The following PHACTR3 variants were observed in gnomAD, a reference collection of about 807,000 sequenced individuals.
The protein encoded by PHACTR3 is protein phosphatase 1, regulatory subunit 123.
PHACTR3 carries 16 observed loss-of-function variants against 66.8 expected under a neutral mutation model. The observed-to-expected ratio is 0.24, with a 90% CI of 0.16 to 0.36. The LOEUF (loss-of-function observed/expected upper bound fraction) is 0.36, where lower values mean the gene tolerates loss of function less well. Ranked by LOEUF, PHACTR3 falls within the 10% of genes least tolerant of loss-of-function variation. The pLI is 1.00. For missense variants in PHACTR3, 647 were observed against 719.9 expected (o/e 0.90, Z 1.16); for synonymous variants, 323 against 292.1 (o/e 1.11, Z -1.08).
At chr20:59,584,150 C>CTCAGTGCT (rs1277225882) in intron 1 of PHACTR3, among the ~76,000 whole-genome samples, 1 of 152,046 alleles carries the variant, frequency 6.6e-6, no homozygotes, top group Non-Finnish European at 1.5e-5. Context: ...GCCTCAGTGC[C>CTCAGTGCT]TCAGTGCCTT....
intron 1 of PHACTR3, among the ~76,000 whole-genome samples, chr20:59,654,560 A>G (rs949631799): frequency 1.3e-5 from 2 of 152,178 alleles, no homozygotes; most frequent in Non-Finnish European, 2.9e-5. Flanking sequence ...GGAAATATAA[A>G]CCACTGCCTC....
intron 1 of PHACTR3, among the ~76,000 whole-genome samples, chr20:59,591,460 A>G (rs2033180060): frequency 1.3e-5 from 2 of 152,182 alleles, no homozygotes; most frequent in South Asian, 2.1e-4. Context: ...ATTTTAGGGT[A>G]CAGATGAGGA....
At chr20:59,731,358 T>G (rs2146719684) in intron 1 of PHACTR3, among the ~76,000 whole-genome samples, 1 of 152,356 alleles carries the variant, frequency 6.6e-6, no homozygotes, top group South Asian at 2.1e-4. Flanking sequence ...TATAAGAGTT[T>G]GTTCTTTGCA....
chr20:59,675,021 C>T (rs1418609277), intron 1 of PHACTR3, among the ~76,000 whole-genome samples: 4 of 100,712 alleles, frequency 4.0e-5, no homozygotes, highest in Non-Finnish European at 7.7e-5. Flanking sequence ...CCTCCCCATT[C>T]TCCTCCCTGT....
chr20:59,593,413 A>G (rs1427420330), intron 1 of PHACTR3, among the ~76,000 whole-genome samples: 2 of 151,576 alleles, frequency 1.3e-5, no homozygotes, highest in Non-Finnish European at 2.9e-5. Flanking sequence ...GTCCTTTTTT[A>G]GGTGTCTTTT....
At chr20:59,625,046 T>A (rs2034394791) in intron 1 of PHACTR3, among the ~76,000 whole-genome samples, 1 of 152,200 alleles carries the variant, frequency 6.6e-6, no homozygotes, top group Non-Finnish European at 1.5e-5. Flanking sequence ...ACTTTGCTTG[T>A]TCTTAGTGAC....
chr20:59,790,632 C>T (rs752930634), intron 7 of PHACTR3, among the ~76,000 whole-genome samples: 65 of 152,238 alleles, frequency 4.3e-4, no homozygotes, highest in Non-Finnish European at 7.5e-4. Flanking sequence ...ATTAAAACAC[C>T]CTGCTTTGGA....
chr20:59,696,604 G>A (rs910312042), intron 1 of PHACTR3, among the ~76,000 whole-genome samples: 1 of 152,212 alleles, frequency 6.6e-6, no homozygotes, highest in African/African-American at 2.4e-5. Flanking sequence ...TGGGCCGTTT[G>A]TATTCCAGCC....
intron 1 of PHACTR3, among the ~76,000 whole-genome samples, chr20:59,725,765 T>C (rs577110064): frequency 1.2e-4 from 18 of 152,248 alleles, no homozygotes; most frequent in African/African-American, 4.1e-4. Flanking sequence ...TTGTCTCTGC[T>C]GAGGCCAGGG....
At chr20:59,692,606 C>G (rs6128663) in intron 1 of PHACTR3, among the ~76,000 whole-genome samples, 10,924 of 152,290 alleles carry the variant, frequency 0.072, 975 homozygotes, top group East Asian at 0.49. Flanking sequence ...TCAAACAACG[C>G]TTTGAGGTAG....
intron 7 of PHACTR3, among the ~76,000 whole-genome samples, chr20:59,803,127 G>A (rs879647687): frequency 1.6e-4 from 25 of 152,164 alleles, no homozygotes; most frequent in Admixed American, 3.3e-4. Context: ...CTTTTCCCTC[G>A]GTGGCTGCCA....
In PHACTR3 at chr20:59,803,854, G is replaced by T. The variant is rs140252192; in HGVS notation, c.1175-2187G>T. Among the ~76,000 whole-genome samples, 619 of 152,282 alleles carry T rather than the reference G, an allele frequency of 4.1e-3. 2 individuals carry two copies. Among genetic ancestry groups the T allele is most frequent in the African/African-American group, 0.014 (590 of 41,554 alleles). On this transcript the variant is annotated intron_variant, in intron 7 of 12. Transcript: ENST00000371015. ...TAGAAGTGGGATTTCCAGATCAAAG[G>T]TTAGGATGAGAAAGTAAGCGTGTTT...
At chr20:59,800,490 T>C (rs1469594390) in intron 7 of PHACTR3, among the ~76,000 whole-genome samples, 1 of 152,236 alleles carries the variant, frequency 6.6e-6, no homozygotes, top group Non-Finnish European at 1.5e-5. Context: ...TCCACTGTCT[T>C]GTCATCCACA....
intron 1 of PHACTR3, among the ~76,000 whole-genome samples, chr20:59,645,383 G>A (rs564546173): frequency 1.8e-3 from 280 of 152,218 alleles, no homozygotes; most frequent in Non-Finnish European, 3.2e-3. Flanking sequence ...GGTGGAGGGA[G>A]GAAGGAAGGA....
chr20:59,578,311 T>C (rs1020910422), intron 1 of PHACTR3, among the ~76,000 whole-genome samples: 1 of 152,192 alleles, frequency 6.6e-6, no homozygotes, highest in Non-Finnish European at 1.5e-5. Flanking sequence ...TCAGTGGCCA[T>C]GGGTGCATGA....
At chr20:59,833,431 T>C (rs2042443533) in intron 8 of PHACTR3, among the ~76,000 whole-genome samples, 1 of 152,240 alleles carries the variant, frequency 6.6e-6, no homozygotes, top group Non-Finnish European at 1.5e-5. Context: ...TCTTGAGAAA[T>C]TACTATATCC....
intron 1 of PHACTR3, among the ~76,000 whole-genome samples, chr20:59,685,755 C>G (rs1181526945): frequency 1.3e-5 from 2 of 152,230 alleles, no homozygotes; most frequent in African/African-American, 4.8e-5. Flanking sequence ...ATGTCACTTG[C>G]TGAGAGCAGC....
chr20:59,635,636 A>T (rs1202991567), intron 1 of PHACTR3, among the ~76,000 whole-genome samples: 2 of 152,254 alleles, frequency 1.3e-5, no homozygotes, highest in Non-Finnish European at 2.9e-5. Context: ...ATTCACAAGC[A>T]TGAAGAAGGA....
Position 59,708,711 on chromosome 20 carries a change from T to C in PHACTR3, c.119-34396T>C, listed in dbSNP as rs143944529. 8.5e-5 allele frequency among the ~76,000 whole-genome samples: 13 copies of C among 152,358 alleles called. No individual in the cohort carries two copies. The East Asian group carries it at 2.5e-3, about 29-fold the overall frequency. ...AGGATCTTTGGGTGATGAATCATTA[T>C]CTTTACATCGTGTTTGGACATGGCT... On this transcript the variant is annotated intron_variant, in intron 1 of 12. Coordinates refer to ENST00000371015, the MANE Select transcript of PHACTR3 (RefSeq NM_080672.5).
Sources: gnomAD v4.1 joint callset for allele counts (sites outside exome capture counted in the v4.1 genomes callset) on GRCh38, gnomAD v4.1.1 for gene constraint, MANE v1.5 for transcripts, NCBI Gene and HGNC (gene_info 2026-07-23, HGNC 2026-07-21) for gene names.